ATP2A2: variants seen among roughly 807,000 people sequenced by gnomAD.
ATP2A2 encodes the protein ATPase sarcoplasmic/endoplasmic reticulum Ca2+ transporting 2.
A neutral mutation model predicts 109.3 loss-of-function variants in ATP2A2; 14 were observed. The observed-to-expected ratio is 0.13, with a 90% CI of 0.08 to 0.20. The LOEUF (loss-of-function observed/expected upper bound fraction) is 0.20. Ranked by LOEUF, ATP2A2 falls within the 10% of genes least tolerant of loss-of-function variation. ATP2A2 has a pLI of 1.00. For missense variants in ATP2A2, 657 were observed against 1,321.6 expected (o/e 0.50, Z 7.80); for synonymous variants, 506 against 490.9 (o/e 1.03, Z -0.41).
At chr12:110,315,197 AAG>A (rs1167843972) in intron 5 of ATP2A2, among the ~76,000 whole-genome samples, 1 of 152,146 alleles carries the variant, frequency 6.6e-6, no homozygotes, top group Non-Finnish European at 1.5e-5. Flanking sequence ...TATCTGTTGA[AAG>A]AGGGGAAGAA....
chr12:110,305,810 A>G (rs1875234357), intron 5 of ATP2A2, among the ~76,000 whole-genome samples: 2 of 151,592 alleles, frequency 1.3e-5, no homozygotes, highest in East Asian at 1.9e-4. Context: ...GTATCTATAG[A>G]TGAGTTTGGG....
At chr12:110,321,450 A>G (rs1022786681) in intron 5 of ATP2A2, among the ~76,000 whole-genome samples, 8 of 152,160 alleles carry the variant, frequency 5.3e-5, no homozygotes, top group African/African-American at 1.9e-4. Context: ...TCTTTCAGAA[A>G]ATCACGGACA....
intron 1 of ATP2A2, 21 bp downstream of exon 1, chr12:110,281,928 T>C: frequency 1.3e-6 from 2 of 1,548,224 alleles, no homozygotes; most frequent in South Asian, 2.4e-5. Flanking sequence ...GGCGCTCCGC[T>C]GCAGGGGCCC....
intron 3 of ATP2A2, among the ~76,000 whole-genome samples, chr12:110,285,014 A>G (rs1872526854): frequency 6.6e-6 from 1 of 152,204 alleles, no homozygotes; most frequent in Non-Finnish European, 1.5e-5. Flanking sequence ...CTATTGATGT[A>G]ACAGAAAAAA....
chr12:110,293,986 C>T (rs1162937149), intron 4 of ATP2A2, among the ~76,000 whole-genome samples: 1 of 149,952 alleles, frequency 6.7e-6, no homozygotes, highest in Non-Finnish European at 1.5e-5. Context: ...GAACAATTCT[C>T]CTGCCTCAGC....
Position 110,351,040 on chromosome 12 carries a change from CAAT to C in ATP2A2, c.*4571_*4573del, listed in dbSNP as rs1305629227. 1.3e-5 allele frequency: 2 copies of C among 152,456 alleles called. No homozygotes were observed. Among genetic ancestry groups the C allele is most frequent in the African/African-American group, 2.4e-5 (1 of 41,464 alleles). 9.4% of individuals were successfully genotyped at this position (152,456 alleles called of 1,614,324 possible). The stretch of plus-strand genomic sequence containing the variant: ...AGTTTGTTTCTTTCTGTGCTGGTAA[CAAT>C]GAGCGTCGCACAGACATGGTTTCAG... On this transcript the variant is annotated 3_prime_UTR_variant, in exon 20 of 20. Transcript: ENST00000539276.
chr12:110,283,549 A>G (rs935924515), intron 3 of ATP2A2, among the ~76,000 whole-genome samples: 5 of 151,920 alleles, frequency 3.3e-5, no homozygotes, highest in African/African-American at 4.8e-5. Context: ...TAGGTTTTTA[A>G]CTTTTTTTTA....
intron 5 of ATP2A2, 63 bp downstream of exon 5, chr12:110,296,800 C>G: frequency 2.6e-6 from 4 of 1,545,946 alleles, no homozygotes; most frequent in Middle Eastern, 1.7e-4. Context: ...GTCCTTTTCT[C>G]AAGGCTCATA....
chr12:110,333,967 G>T, intron 10 of ATP2A2, 45 bp from the exon 11 acceptor site: 1 of 1,613,128 alleles, frequency 6.2e-7, no homozygotes, highest in Non-Finnish European at 8.5e-7. Flanking sequence ...ATTTATCTGT[G>T]TACTTCTCCC....
Position 110,292,512 on chromosome 12 carries a change from G to A in ATP2A2, c.324+388G>A, listed in dbSNP as rs528859068. 5.3e-5 allele frequency among the ~76,000 whole-genome samples: 8 copies of A among 152,208 alleles called. No individual in the cohort carries two copies. The East Asian group carries it at 7.7e-4, about 15-fold the overall frequency. On this transcript the variant is annotated intron_variant, in intron 4 of 19. Coordinates refer to ENST00000539276, the MANE Select transcript of ATP2A2 (RefSeq NM_170665.4). ...TTGAGCTCCTGACCTCAAGTGATCC[G>A]CCCTCCTCAGCCTCCCAAAGTGCTG...
At chr12:110,341,489 G>A (rs981958488) in intron 14 of ATP2A2, among the ~76,000 whole-genome samples, 2 of 152,186 alleles carry the variant, frequency 1.3e-5, no homozygotes, top group Admixed American at 1.3e-4. Flanking sequence ...TCCCCCAGAG[G>A]TAACTGAAGT....
At chr12:110,323,324 A>G (rs1354337880) in intron 6 of ATP2A2, among the ~76,000 whole-genome samples, 4 of 152,174 alleles carry the variant, frequency 2.6e-5, no homozygotes, top group Non-Finnish European at 5.9e-5. Context: ...AGCTGGGACT[A>G]CAGGCTCCTG....
intron 5 of ATP2A2, among the ~76,000 whole-genome samples, chr12:110,313,149 G>T: frequency 6.6e-6 from 1 of 152,006 alleles, no homozygotes; most frequent in Non-Finnish European, 1.5e-5. Flanking sequence ...ATTTCATGGG[G>T]CTGGCATTTC....
At position 110,281,705 on chromosome 12, in the gene ATP2A2, G is replaced by T. The variant is rs930308822; in HGVS notation, c.-85G>T. 1.0e-6 allele frequency: 1 copy of T among 957,770 alleles called. No individual in the cohort carries two copies. Among genetic ancestry groups the T allele is most frequent in the Non-Finnish European group, 1.4e-6 (1 of 699,140 alleles). The allele number at this position is 957,770 out of a possible 1,614,324, so 59.3% of individuals were successfully genotyped here. A position where few individuals can be genotyped will look rare whatever the true frequency, so the allele number is the denominator to read the frequency against. On this transcript the variant is annotated 5_prime_UTR_variant, in exon 1 of 20. Coordinates refer to ENST00000539276, the MANE Select transcript of ATP2A2 (RefSeq NM_170665.4). ...GCCCGTCCGCGCCTGGGCTCCCGGG[G>T]TGGCACGAGCCCGCGGCCGGAGTGC...
At position 110,333,351 on chromosome 12, in the gene ATP2A2, G is replaced by A. The variant is rs138488769; in HGVS notation, c.1287+68G>A. On this transcript the variant is annotated intron_variant, in intron 10 of 19. Transcript: ENST00000539276. ...CAAGGGTGGGGTGGGTGGAATGAAA[G>A]TCTAGCCTGCCTTCCTCCCTTTTGA... is the stretch of plus-strand genomic sequence containing the variant. The A allele has an allele frequency of 3.9e-5, 54 of 1,393,624 alleles. No homozygotes were observed. The East Asian group carries it at 1.0e-3, about 26-fold the overall frequency. The allele number at this position is 1,393,624 out of a possible 1,614,324, so 86.3% of individuals were successfully genotyped here.
At chr12:110,331,356 G>A (rs1435571675) in intron 8 of ATP2A2, 1 of 152,088 alleles carries the variant, frequency 6.6e-6, no homozygotes, top group African/African-American at 2.4e-5. Context: ...TGTTGTTGCT[G>A]TTATTACGGA....
intron 3 of ATP2A2, among the ~76,000 whole-genome samples, chr12:110,286,789 C>G (rs986932626): frequency 4.6e-5 from 7 of 150,752 alleles, no homozygotes; most frequent in East Asian, 1.9e-4. Context: ...TCTGAGAATA[C>G]TAGGAGCAAA....
intron 5 of ATP2A2, among the ~76,000 whole-genome samples, chr12:110,310,776 T>C (rs371773031): frequency 2.0e-4 from 31 of 152,328 alleles, no homozygotes; most frequent in Admixed American, 8.5e-4. Flanking sequence ...ATAAAAAGAA[T>C]AATTCTTAAA....
intron 11 of ATP2A2, 115 bp downstream of exon 11, chr12:110,334,258 CT>C: frequency 7.7e-7 from 1 of 1,294,488 alleles, no homozygotes; most frequent in Non-Finnish European, 1.1e-6. Flanking sequence ...TCTCCTCAAA[CT>C]TACAGTATTT....
Sources: allele counts gnomAD v4.1 joint callset (sites outside exome capture counted in the v4.1 genomes callset), GRCh38; gene constraint gnomAD v4.1.1; transcripts MANE v1.5; gene names NCBI Gene and HGNC (gene_info 2026-07-23, HGNC 2026-07-21).